The following DYTN variants were observed in gnomAD, a reference collection of about 807,000 sequenced individuals.
The protein encoded by DYTN is dystrotelin.
In DYTN, 75 loss-of-function variants were observed where a neutral mutation model predicts 69.6. The observed-to-expected ratio is 1.08, with a 90% confidence interval of 0.89 to 1.31. The LOEUF (loss-of-function observed/expected upper bound fraction) is 1.31, where lower values mean the gene tolerates loss of function less well. Ranked by LOEUF, DYTN falls within the 50% of genes most tolerant of loss-of-function variation. The pLI, the probability that DYTN is intolerant of heterozygous loss-of-function variation, is 0.00. For missense variants in DYTN, 726 were observed against 688.4 expected, an observed-to-expected ratio of 1.05 and a Z score of -0.61; for synonymous variants, 252 against 249.1, an observed-to-expected ratio of 1.01 and a Z score of -0.11.
At chr2:206,680,622 C>A (rs4675623) in intron 9 of DYTN, among the ~76,000 whole-genome samples, 30,306 of 151,896 alleles carry the variant, frequency 0.2, 3,256 homozygotes, top group African/African-American at 0.26. Context: ...GTTCGTAATC[C>A]TACATATTCC....
At position 206,693,201 on chromosome 2, in the gene DYTN, C is replaced by A; in HGVS notation, c.954G>T (p.Lys318Asn). 1.2e-6 allele frequency: 2 copies of A among 1,612,652 alleles called. No individual in the cohort carries two copies. Among genetic ancestry groups the A allele is most frequent in the Non-Finnish European group, 8.5e-7 (1 of 1,179,656 alleles). Residue 318 changes from lysine to asparagine, a missense_variant, in exon 9 of 12, where the codon AAG becomes AAT. Transcript: ENST00000452335. ...RQQLLDQVNP[K>N]GVPHHAQARL... The stretch of plus-strand genomic sequence containing the variant: ...TGGCCTGCGCATGGTGAGGCACACC[C>A]TTTGGATTCACCTGGTCCAGCAGCT...
At position 206,667,384 on chromosome 2, in the gene DYTN, C is replaced by G. The variant is rs1319012645; in HGVS notation, c.981-1355G>C. 2.0e-5 allele frequency among the ~76,000 whole-genome samples: 3 copies of G among 152,188 alleles called. No homozygotes were observed. In the East Asian group the frequency reaches 5.8e-4, roughly 29 times the overall value. Reference sequence around the variant, plus strand: ...CCCCAGCTCATTGCTCAGTTCCCTCCCCAACCTCCTTCAAGTCTTTGCTCT... The same window carrying G: ...CCCCAGCTCATTGCTCAGTTCCCTCGCCAACCTCCTTCAAGTCTTTGCTCT... On this transcript the variant is annotated intron_variant, in intron 9 of 11. Coordinates refer to ENST00000452335, the MANE Select transcript of DYTN (RefSeq NM_001093730.1).
At position 206,684,056 on chromosome 2, in the gene DYTN, C is replaced by T. The variant is rs891307658; in HGVS notation, c.980+9119G>A. Reference sequence around the variant, plus strand: ...GGTCCTCACTAGGATGCAAGCTCACCGAGAGCAGAAATCCTTGTCTCTTTT... The same window carrying T: ...GGTCCTCACTAGGATGCAAGCTCACTGAGAGCAGAAATCCTTGTCTCTTTT... On this transcript the variant is annotated intron_variant, in intron 9 of 11. Transcript: ENST00000452335. 6.6e-5 allele frequency among the ~76,000 whole-genome samples: 10 copies of T among 151,546 alleles called. No individual in the cohort carries two copies. In the South Asian group the frequency reaches 1.0e-3, roughly 16 times the overall value.
chr2:206,669,032 C>T (rs1294572931), intron 9 of DYTN, among the ~76,000 whole-genome samples: 2 of 152,182 alleles, frequency 1.3e-5, no homozygotes, highest in East Asian at 1.9e-4. Flanking sequence ...TATAAATTAC[C>T]CAGTCTCAGG....
chr2:206,694,583 G>A (rs1481365006), intron 8 of DYTN, among the ~76,000 whole-genome samples, 183 bp downstream of exon 8: 1 of 152,138 alleles, frequency 6.6e-6, no homozygotes, highest in African/African-American at 2.4e-5. Context: ...GACATACAAT[G>A]TGAAGAAATC....
chr2:206,676,820 G>A (rs888712542), intron 9 of DYTN, among the ~76,000 whole-genome samples: 22 of 151,982 alleles, frequency 1.4e-4, no homozygotes, highest in Admixed American at 1.1e-3. Context: ...TATAAAGGGA[G>A]GAAACTTTAG....
intron 9 of DYTN, among the ~76,000 whole-genome samples, chr2:206,689,760 T>A (rs1304881293): frequency 6.6e-6 from 1 of 152,234 alleles, no homozygotes; most frequent in African/African-American, 2.4e-5. Context: ...CCTCATTATC[T>A]TGTTCCAAAG....
chr2:206,662,085 T>C (rs996721951), intron 11 of DYTN, among the ~76,000 whole-genome samples: 7 of 152,224 alleles, frequency 4.6e-5, no homozygotes, highest in African/African-American at 1.4e-4. Flanking sequence ...TGATCAGTAG[T>C]CTACTCCACA....
At position 206,675,143 on chromosome 2, in the gene DYTN, GTGTA is replaced by G. The variant is rs781052608; in HGVS notation, c.981-9118_981-9115del. ...TGTGTGTGTGTGTGTGTGTGTGTGT[GTGTA>G]TATATGTGTATATATATTTAAATAT... On this transcript the variant is annotated intron_variant, in intron 9 of 11. Coordinates refer to ENST00000452335, the MANE Select transcript of DYTN (RefSeq NM_001093730.1). Among the ~76,000 whole-genome samples, 992 of 117,152 alleles carry G rather than the reference GTGTA, an allele frequency of 8.5e-3. 5 individuals carry two copies. Among genetic ancestry groups the G allele is most frequent in the African/African-American group, 0.015 (470 of 32,252 alleles). The allele number at this position is 117,152 out of a possible 152,430, so 76.9% of individuals were successfully genotyped here.
At position 206,699,736 on chromosome 2, in the gene DYTN, G is replaced by A. The variant is rs766895537; in HGVS notation, c.710C>T (p.Thr237Met). The A allele has an allele frequency of 6.8e-6, 11 of 1,612,786 alleles. No homozygotes were observed. Among genetic ancestry groups the A allele is most frequent in the East Asian group, 4.5e-5 (2 of 44,848 alleles). Reference protein sequence around the residue: ...RCTLCRTFPITGLRYRCLKCL... With the variant: ...RCTLCRTFPIMGLRYRCLKCL... ...CTGCTGATGACTGTACCTGAGTCCC[G>A]TGATTGGGAAAGTCCTGCAGAGAGT... Residue 237 changes from threonine to methionine, a missense_variant, in exon 7 of 12, where the codon ACG becomes ATG. Coordinates refer to ENST00000452335, the MANE Select transcript of DYTN (RefSeq NM_001093730.1).
At position 206,654,594 on chromosome 2, in the gene DYTN, T is replaced by C. The variant is rs75483973; in HGVS notation, c.1634-2673A>G. Among the ~76,000 whole-genome samples the C allele has an allele frequency of 5.1e-3, 770 of 152,358 alleles. 2 individuals are homozygous for C. Among genetic ancestry groups the C allele is most frequent in the Middle Eastern group, 0.014 (4 of 292 alleles). ...AGTTTTAGAGGAGTCAAAAGTTATA[T>C]GCTGATTTTTGGCAGCATGGAGGGT... On this transcript the variant is annotated intron_variant, in intron 11 of 11. Coordinates refer to ENST00000452335, the MANE Select transcript of DYTN (RefSeq NM_001093730.1).
At chr2:206,672,252 T>C (rs1008233007) in intron 9 of DYTN, among the ~76,000 whole-genome samples, 1 of 152,172 alleles carries the variant, frequency 6.6e-6, no homozygotes, top group Non-Finnish European at 1.5e-5. Flanking sequence ...AATAAAAATA[T>C]GTTATATACC....
At chr2:206,655,035 C>G (rs1163950168) in intron 11 of DYTN, among the ~76,000 whole-genome samples, 2 of 152,154 alleles carry the variant, frequency 1.3e-5, no homozygotes, top group East Asian at 3.8e-4. Flanking sequence ...TGAAAATAAG[C>G]ATCCTTGCTT....
At chr2:206,670,147 T>C (rs114996485) in intron 9 of DYTN, among the ~76,000 whole-genome samples, 1,745 of 152,320 alleles carry the variant, frequency 0.011, 23 homozygotes, top group Non-Finnish European at 0.016. Flanking sequence ...GGATAACAAG[T>C]ACTGATTTCT....
intron 7 of DYTN, among the ~76,000 whole-genome samples, chr2:206,698,726 C>A (rs1699946049): frequency 6.6e-6 from 1 of 152,224 alleles, no homozygotes; most frequent in Non-Finnish European, 1.5e-5. Context: ...CTGTTAGCCT[C>A]AAAGCTATGG....
At chr2:206,667,441 C>G (rs948823943) in intron 9 of DYTN, among the ~76,000 whole-genome samples, 1 of 152,156 alleles carries the variant, frequency 6.6e-6, no homozygotes, top group Non-Finnish European at 1.5e-5. Flanking sequence ...CATTATCTGA[C>G]TGCCCTACTT....
intron 9 of DYTN, among the ~76,000 whole-genome samples, chr2:206,692,366 G>A (rs777637602): frequency 6.6e-6 from 1 of 151,966 alleles, no homozygotes; most frequent in African/African-American, 2.4e-5. Flanking sequence ...ACCTTTTAAA[G>A]GTCATCTTTA....
chr2:206,672,035 G>A (rs182545606), intron 9 of DYTN, among the ~76,000 whole-genome samples: 3 of 152,132 alleles, frequency 2.0e-5, no homozygotes, highest in East Asian at 1.9e-4. Context: ...GTGCATGCGC[G>A]TACACACATA....
At chr2:206,696,195 C>T (rs1451793905) in intron 7 of DYTN, among the ~76,000 whole-genome samples, 1 of 152,066 alleles carries the variant, frequency 6.6e-6, no homozygotes, top group African/African-American at 2.4e-5. Context: ...AAAGAAAATC[C>T]CAAGTAGAAA....
Sources: gnomAD v4.1 joint callset for allele counts (sites outside exome capture counted in the v4.1 genomes callset) on GRCh38, gnomAD v4.1.1 for gene constraint, MANE v1.5 for transcripts, NCBI Gene and HGNC (gene_info 2026-07-23, HGNC 2026-07-21) for gene names.